ASIP: variants seen among roughly 807,000 people sequenced by gnomAD.
ASIP encodes agouti-signaling protein.
Under a neutral mutation model 10.3 loss-of-function variants are expected in ASIP, and 11 were observed. The ratio of observed to expected loss-of-function variants is 1.07; its 90% CI spans 0.68 to 1.78. The LOEUF (loss-of-function observed/expected upper bound fraction) is 1.78, where lower values mean the gene tolerates loss of function less well. Among genes scored for constraint, ASIP ranks in the 40% most tolerant of loss-of-function variants. The pLI, the probability that ASIP is intolerant of heterozygous loss-of-function variation, is 0.00. For synonymous variants in ASIP, 70 were observed against 70.8 expected (o/e 0.99, Z 0.06); for missense variants, 180 against 169.2 (o/e 1.06, Z -0.35).
chr20:34,256,485 G>T (rs1330461368), intron 1 of ASIP, among the ~76,000 whole-genome samples: 1 of 152,134 alleles, frequency 6.6e-6, no homozygotes, highest in African/African-American at 2.4e-5. Context: ...AAAATTTTTT[G>T]TAGAGATGAG....
intron 1 of ASIP, among the ~76,000 whole-genome samples, chr20:34,201,151 T>A (rs1271534110): frequency 6.6e-6 from 1 of 151,932 alleles, no homozygotes; most frequent in African/African-American, 2.4e-5. Flanking sequence ...ACTTGGGATA[T>A]TTTTTACTTC....
intron 1 of ASIP, chr20:34,216,006 A>G (rs6088435): frequency 1.0e-5 from 7 of 702,772 alleles, no homozygotes; most frequent in East Asian, 2.6e-5. Flanking sequence ...CCTGAACTCC[A>G]TGGTCAGCCA....
At chr20:34,196,724 G>A (rs1478794059) in intron 1 of ASIP, among the ~76,000 whole-genome samples, 4 of 152,162 alleles carry the variant, frequency 2.6e-5, no homozygotes, top group African/African-American at 7.2e-5. Context: ...GTTCTGAGGG[G>A]TGAAGTACTC....
chr20:34,215,435 A>G (rs553185284), intron 1 of ASIP: 1 of 1,529,028 alleles, frequency 6.5e-7, no homozygotes, highest in African/African-American at 1.4e-5. Flanking sequence ...CGATCCACCA[A>G]CTCTGAGTTG....
chr20:34,259,848 G>A (rs1006586389), intron 1 of ASIP, among the ~76,000 whole-genome samples: 1 of 151,974 alleles, frequency 6.6e-6, no homozygotes, highest in East Asian at 1.9e-4. Flanking sequence ...ACCTGCATTC[G>A]TTCTCTCTGG....
At chr20:34,210,926 T>C (rs1162359802) in intron 1 of ASIP, among the ~76,000 whole-genome samples, 2 of 152,202 alleles carry the variant, frequency 1.3e-5, no homozygotes. Flanking sequence ...TATTAGTCCT[T>C]TTATATATTT....
chr20:34,258,346 C>CT (rs56005855), intron 1 of ASIP, among the ~76,000 whole-genome samples: 17,462 of 138,378 alleles, frequency 0.13, 3,504 homozygotes, highest in African/African-American at 0.42. Context: ...GTTGGATATT[C>CT]TTTTTTTTTT....
the ASIP span, among the ~76,000 whole-genome samples, chr20:34,187,730 T>C: frequency 2.0e-5 from 3 of 152,228 alleles, no homozygotes; most frequent in Non-Finnish European, 2.9e-5. Flanking sequence ...TGTTCCTTGA[T>C]GGTTTGTTTT....
intron 1 of ASIP, among the ~76,000 whole-genome samples, chr20:34,196,887 T>C (rs866508472): frequency 6.6e-6 from 1 of 152,230 alleles, no homozygotes; most frequent in South Asian, 2.1e-4. Flanking sequence ...GAGTCACCAG[T>C]TCCGTCTCCA....
the ASIP span, among the ~76,000 whole-genome samples, chr20:34,187,972 C>T: frequency 6.6e-6 from 1 of 152,210 alleles, no homozygotes; most frequent in African/African-American, 2.4e-5. Flanking sequence ...GGCATTTCCA[C>T]ATCTTGTTTA....
rs571937882 is a variant in ASIP at position 34,208,241 on chromosome 20, C to CT, written c.-11+13487dup. 2.4e-4 allele frequency among the ~76,000 whole-genome samples: 37 copies of CT among 152,194 alleles called. No homozygotes were observed. The Middle Eastern group carries it at 0.014, about 56-fold the overall frequency. On this transcript the variant is annotated intron_variant, in intron 1 of 3. Coordinates refer to the ASIP transcript ENST00000568305. ...GAAATCAGGTATGTGATGCCTACGGCTTTTTTCTGTTTGATCAGGATAGCT... is the reference window on the plus strand; with the variant it reads ...GAAATCAGGTATGTGATGCCTACGGCTTTTTTTCTGTTTGATCAGGATAGCT...
At chr20:34,234,230 G>C (rs78243564) in intron 1 of ASIP, among the ~76,000 whole-genome samples, 1 of 152,166 alleles carries the variant, frequency 6.6e-6, no homozygotes, top group Non-Finnish European at 1.5e-5. Context: ...GCTACAATTT[G>C]TTTCCAGGGC....
chr20:34,215,676 T>A (rs1037831759), intron 1 of ASIP: 7 of 1,450,586 alleles, frequency 4.8e-6, no homozygotes, highest in Non-Finnish European at 6.8e-6. Flanking sequence ...TGTTGAACAG[T>A]GGTTAGTTCT....
rs182479131 is a variant in ASIP at position 34,210,139 on chromosome 20, G to A, written c.-11+15379G>A. 3.0e-4 allele frequency among the ~76,000 whole-genome samples: 45 copies of A among 152,310 alleles called. 1 individual carries two copies. The East Asian group carries it at 5.4e-3, about 18-fold the overall frequency. On this transcript the variant is annotated intron_variant, in intron 1 of 3. Transcript: ENST00000568305. The stretch of plus-strand genomic sequence containing the variant: ...TCTGCACACCTCATTCTTCCTGGAC[G>A]CAGGACAAGAACTCGGGACCTACCA...
chr20:34,222,191 C>T (rs1430163904), intron 1 of ASIP, among the ~76,000 whole-genome samples: 1 of 151,982 alleles, frequency 6.6e-6, no homozygotes, highest in African/African-American at 2.4e-5. Context: ...AGGATACCAG[C>T]TTTTGCCATA....
chr20:34,220,592 C>T (rs1158428852), intron 1 of ASIP, among the ~76,000 whole-genome samples: 3 of 130,760 alleles, frequency 2.3e-5, no homozygotes, highest in Non-Finnish European at 3.0e-5. Flanking sequence ...GAGACCTTCT[C>T]TCAAAAAAAA....
At chr20:34,257,898 CT>C (rs1464673921) in intron 1 of ASIP, among the ~76,000 whole-genome samples, 1 of 152,198 alleles carries the variant, frequency 6.6e-6, no homozygotes, top group African/African-American at 2.4e-5. Context: ...AACCCCAGCA[CT>C]TTGGGAAGCC....
upstream of ASIP, among the ~76,000 whole-genome samples, chr20:34,192,157 C>A (rs916682607): frequency 2.0e-5 from 3 of 152,340 alleles, no homozygotes; most frequent in East Asian, 5.8e-4. Flanking sequence ...CTGCCTCAGC[C>A]TCCCAAGTTG....
upstream of ASIP, among the ~76,000 whole-genome samples, chr20:34,236,552 A>C (rs1173792506): frequency 1.3e-5 from 2 of 151,920 alleles, no homozygotes; most frequent in Non-Finnish European, 2.9e-5. Flanking sequence ...TCTCAAAAAA[A>C]AAAAGAATCA....
Sources: allele counts gnomAD v4.1 joint callset (sites outside exome capture counted in the v4.1 genomes callset), GRCh38; gene constraint gnomAD v4.1.1; transcripts MANE v1.5; gene names NCBI Gene and HGNC (gene_info 2026-07-23, HGNC 2026-07-21).